Variants in GPAM observed in about 807,000 individuals in gnomAD.
The protein encoded by GPAM is glycerol-3-phosphate acyltransferase 1, mitochondrial.
Under a neutral mutation model 105.0 loss-of-function variants are expected in GPAM, and 56 were observed. That is an observed-to-expected ratio of 0.53 (90% confidence interval 0.43 to 0.67). GPAM has a LOEUF of 0.67. Ranked by LOEUF, GPAM falls within the 30% of genes least tolerant of loss-of-function variation. GPAM has a pLI of 0.00. For synonymous variants in GPAM, 368 were observed against 354.4 expected (o/e 1.04, Z -0.43); for missense variants, 855 against 989.8 (o/e 0.86, Z 1.83).
At chr10:112,186,733 T>C (rs969616114), upstream of GPAM, among the ~76,000 whole-genome samples, 4 of 152,040 alleles carry the variant, frequency 2.6e-5, no homozygotes, top group Non-Finnish European at 4.4e-5. Context: ...GTATGTTTAG[T>C]AGAGTTGGGG....
chr10:112,223,247 T>C, the GPAM span, among the ~76,000 whole-genome samples: 1 of 152,238 alleles, frequency 6.6e-6, no homozygotes, highest in East Asian at 1.9e-4. Flanking sequence ...CCTCCCCCAA[T>C]AAATCTTTTA....
At chr10:112,183,236 G>A (rs1847539843) in intron 1 of GPAM, among the ~76,000 whole-genome samples, 1 of 152,234 alleles carries the variant, frequency 6.6e-6, no homozygotes, top group African/African-American at 2.4e-5. Context: ...GGATTGTTGA[G>A]AGGACGGAAT....
chr10:112,194,492 C>T (rs553995738), intron 1 of GPAM, among the ~76,000 whole-genome samples: 1 of 152,292 alleles, frequency 6.6e-6, no homozygotes, highest in East Asian at 1.9e-4. Context: ...AAGAACATTT[C>T]CCTAAAAATC....
In GPAM at chr10:112,180,525, C is replaced by T. The variant is rs200546323; in HGVS notation, c.173G>A (p.Arg58Gln). 40 of 1,613,224 alleles carry T rather than the reference C, an allele frequency of 2.5e-5. No individual in the cohort carries two copies. The highest frequency in any genetic ancestry group is 8.8e-5 in the South Asian group (8 of 91,056). ...TLKWKESLMS[R>Q]KRPFVGRCCY... The stretch of plus-strand genomic sequence containing the variant: ...ACATCTTCCAACAAATGGCCTTTTC[C>T]GACTCATTAGGCTTTCTTTCCATTT... Residue 58 changes from arginine (R) to glutamine (Q), a missense_variant, in exon 4 of 22, where the codon CGG becomes CAG. Arg to Gln is a conservative substitution (Grantham distance 43). Transcript: ENST00000348367.
At chr10:112,156,828 C>T in intron 19 of GPAM, 1 of 216,676 alleles carries the variant, frequency 4.6e-6, no homozygotes, top group Non-Finnish European at 9.0e-6. Context: ...CAATTTTCTC[C>T]TATAATGGTA....
chr10:112,179,920 G>A (rs1043224556), intron 4 of GPAM, among the ~76,000 whole-genome samples: 2 of 152,006 alleles, frequency 1.3e-5, no homozygotes, highest in Admixed American at 6.6e-5. Context: ...AGACTGCACT[G>A]TAATGCAAAA....
the GPAM span, among the ~76,000 whole-genome samples, chr10:112,224,416 G>A: frequency 1.3e-5 from 2 of 152,106 alleles, no homozygotes; most frequent in Non-Finnish European, 2.9e-5. Context: ...TTCTCCACTG[G>A]CAGAAAATGA....
Position 112,165,365 on chromosome 10 carries a change from C to A in GPAM, c.1222-755G>T, listed in dbSNP as rs560885639. On this transcript the variant is annotated intron_variant, in intron 12 of 21. Coordinates refer to ENST00000348367, the MANE Select transcript of GPAM (RefSeq NM_001244949.2). ...GGGTACTGGATTCTACACAATAGGA[C>A]ATAGAGAGCATTATCCTGTCAAATT... is the stretch of plus-strand genomic sequence containing the variant. 5.3e-5 allele frequency among the ~76,000 whole-genome samples: 8 copies of A among 152,210 alleles called. 1 individual carries two copies. Among genetic ancestry groups the A allele is most frequent in the African/African-American group, 1.9e-4 (8 of 41,528 alleles).
intron 19 of GPAM, chr10:112,156,801 G>A (rs1384159934): frequency 4.7e-5 from 9 of 190,526 alleles, no homozygotes; most frequent in African/African-American, 1.9e-4. Flanking sequence ...CTAAATCAGG[G>A]ACTTTTTTTT....
At chr10:112,221,280 T>A in the GPAM span, among the ~76,000 whole-genome samples, 1 of 152,184 alleles carries the variant, frequency 6.6e-6, no homozygotes, top group Admixed American at 6.5e-5. Context: ...TGCTTACACA[T>A]ACCTACCTAC....
chr10:112,190,545 A>C lies in GPAM; in HGVS notation n.211-7654T>G, dbSNP rs139085817. 4.1e-3 allele frequency among the ~76,000 whole-genome samples: 620 copies of C among 151,990 alleles called. 5 individuals carry two copies. The highest frequency in any genetic ancestry group is 0.014 in the African/African-American group (599 of 41,476). ...GAAAGAAAGGGTCTTAGGCCAGAAG[A>C]GAAAGAAACCCCTCTGACTTACTTT... On this transcript the variant is annotated intron_variant and non_coding_transcript_variant, in intron 1 of 3. Coordinates refer to the GPAM transcript ENST00000480130.
intron 9 of GPAM, among the ~76,000 whole-genome samples, chr10:112,171,346 A>G (rs1056847697): frequency 2.0e-5 from 3 of 152,156 alleles, no homozygotes; most frequent in African/African-American, 7.2e-5. Flanking sequence ...CCTCCTGTCC[A>G]AAAACAATAC....
chr10:112,193,606 C>G (rs964125485), intron 1 of GPAM, among the ~76,000 whole-genome samples: 7 of 152,192 alleles, frequency 4.6e-5, no homozygotes, highest in African/African-American at 1.7e-4. Flanking sequence ...AGGTCAGAAT[C>G]TGTAAAGTGG....
At chr10:112,218,668 G>C (rs1002055883), upstream of GPAM, among the ~76,000 whole-genome samples, 1 of 152,164 alleles carries the variant, frequency 6.6e-6, no homozygotes, top group Non-Finnish European at 1.5e-5. Flanking sequence ...CTGCTCAACT[G>C]AATATACTTA....
At chr10:112,200,630 A>T (rs1307827003) in intron 1 of GPAM, among the ~76,000 whole-genome samples, 8 of 152,080 alleles carry the variant, frequency 5.3e-5, no homozygotes, top group African/African-American at 1.9e-4. Context: ...TGAGCTAAGT[A>T]CTTCCAATAA....
chr10:112,183,873 G>T, upstream of GPAM: 1 of 152,434 alleles, frequency 6.6e-6, no homozygotes. Flanking sequence ...CGGATCCGAG[G>T]GTGTAATGTG....
chr10:112,167,991 G>T (rs1223414708), intron 11 of GPAM, among the ~76,000 whole-genome samples: 1 of 152,130 alleles, frequency 6.6e-6, no homozygotes, highest in African/African-American at 2.4e-5. Flanking sequence ...AGAACAAACC[G>T]CAGATAACCT....
chr10:112,157,008 T>C (rs1016079188), intron 19 of GPAM: 3 of 609,354 alleles, frequency 4.9e-6, no homozygotes, highest in Non-Finnish European at 8.7e-6. Context: ...CATAAAAGGA[T>C]GGTGAAAGTC....
chr10:112,160,605 T>C lies in GPAM; in HGVS notation c.1758A>G (p.Ile586Met), dbSNP rs1285163880. Residue 586 changes from isoleucine to methionine, a missense_variant and splice_region_variant, in exon 16 of 22, where the codon ATA becomes ATG. Physicochemically the swap from Ile to Met is conservative, Grantham distance 10 (BLOSUM62 1). Transcript: ENST00000348367. ...VLHVFIMEAI[I>M]ACSLYAVLNK... ...AAAATATTTCAAGGTCTGACATACC[T>C]ATGATGGCCTCCATGATAAAGACAT... 6.2e-7 allele frequency: 1 copy of C among 1,612,106 alleles called. No homozygotes were observed. The highest frequency in any genetic ancestry group is 1.3e-5 in the African/African-American group (1 of 75,008).
Sources: allele counts gnomAD v4.1 joint callset (sites outside exome capture counted in the v4.1 genomes callset), GRCh38; gene constraint gnomAD v4.1.1; transcripts MANE v1.5; gene names NCBI Gene and HGNC (gene_info 2026-07-23, HGNC 2026-07-21).